Variants in ANO9 observed in about 807,000 individuals in gnomAD.
ANO9 encodes the protein anoctamin-9.
Under a neutral mutation model 100.5 loss-of-function variants are expected in ANO9, and 80 were observed. The ratio of observed to expected loss-of-function variants is 0.80; its 90% CI spans 0.66 to 0.96. ANO9 has a LOEUF of 0.96. Among genes scored for constraint, ANO9 ranks in the 40% least tolerant of loss-of-function variants. The pLI is 0.00. For synonymous variants in ANO9, 473 were observed against 435.6 expected (o/e 1.09, Z -1.07); for missense variants, 1,064 against 1,072.7 (o/e 0.99, Z 0.11).
intron 11 of ANO9, 137 bp downstream of exon 11, chr11:429,433 C>T: frequency 3.4e-6 from 5 of 1,489,456 alleles, no homozygotes; most frequent in South Asian, 1.3e-5. Context: ...CAGACCAGGA[C>T]ACACGCCCCA....
intron 1 of ANO9, among the ~76,000 whole-genome samples, chr11:441,176 C>T (rs1404548900): frequency 2.0e-5 from 3 of 152,152 alleles, no homozygotes; most frequent in Admixed American, 6.5e-5. Context: ...CCTGGCAGGC[C>T]GAGAGGGAGG....
Position 421,318 on chromosome 11 carries a change from G to A in ANO9, c.1335-120C>T. The A allele has an allele frequency of 1.8e-6, 2 of 1,081,484 alleles. No individual in the cohort carries two copies. The highest frequency in any genetic ancestry group is 2.6e-6 in the Non-Finnish European group (2 of 782,688). 67.0% of individuals were successfully genotyped at this position (1,081,484 alleles called of 1,614,324 possible). Reference sequence around the variant, plus strand: ...AACAGGCGGGGCAGGCCCTGCAGGTGAGCGGGGCACAGGTGCTCACACCCA... The same window carrying A: ...AACAGGCGGGGCAGGCCCTGCAGGTAAGCGGGGCACAGGTGCTCACACCCA... On this transcript the variant is annotated intron_variant, in intron 15 of 22. Coordinates refer to ENST00000332826, the MANE Select transcript of ANO9 (RefSeq NM_001012302.3). The surrounding 1 kb of genome is among the most constrained non-coding windows in gnomAD (Gnocchi z 6.8).
At chr11:423,005 T>C (rs1848284458) in intron 15 of ANO9, among the ~76,000 whole-genome samples, 2 of 152,076 alleles carry the variant, frequency 1.3e-5, no homozygotes, top group South Asian at 4.2e-4. Context: ...AATTTTTGTA[T>C]ATTTAGTAAA....
chr11:433,463 G>C lies in ANO9; in HGVS notation c.205-4C>G. On this transcript the variant is annotated splice_region_variant and splice_polypyrimidine_tract_variant and intron_variant, in intron 3 of 22. Transcript: ENST00000332826. ...CCTGTTTCTGGTCCCGGATCACCTG[G>C]GGGCACATGGGATCCTCTATCCCAC... 6.2e-7 allele frequency: 1 copy of C among 1,612,684 alleles called. No individual in the cohort carries two copies.
At chr11:436,710 G>A (rs1378343213) in intron 1 of ANO9, among the ~76,000 whole-genome samples, 2 of 80,668 alleles carry the variant, frequency 2.5e-5, no homozygotes, top group Non-Finnish European at 5.3e-5. Context: ...GGTAAGCAGG[G>A]GGTGAGCAGG....
intron 18 of ANO9, 26 bp from the exon 19 acceptor site, chr11:420,641 G>C (rs751311960): frequency 2.5e-6 from 4 of 1,603,022 alleles, no homozygotes; most frequent in Non-Finnish European, 3.4e-6. Flanking sequence ...CAGGCTCACC[G>C]GCGCCCCGCA....
At chr11:433,239 C>G in intron 4 of ANO9, 75 bp downstream of exon 4, 1 of 1,541,048 alleles carries the variant, frequency 6.5e-7, no homozygotes, top group Non-Finnish European at 8.7e-7. Context: ...CTGGCACTGT[C>G]TCCTGCCCGG....
At chr11:425,710 G>GTT (rs1299503867) in intron 15 of ANO9, among the ~76,000 whole-genome samples, 5 of 150,118 alleles carry the variant, frequency 3.3e-5, no homozygotes, top group South Asian at 2.1e-4. Flanking sequence ...ATAGTTTTTT[G>GTT]TTTTTTGTTT....
chr11:434,958 A>G (rs1849334523), intron 1 of ANO9, among the ~76,000 whole-genome samples: 2 of 152,152 alleles, frequency 1.3e-5, no homozygotes, highest in African/African-American at 2.4e-5. Context: ...CGCCAAGCTC[A>G]AGACCTGCCT....
rs1213305934 is a variant in ANO9, at chr11:418,917, A to G, written c.2007T>C (p.Ile669=). 3 of 1,613,678 alleles carry G rather than the reference A, an allele frequency of 1.9e-6. No homozygotes were observed. The highest frequency in any genetic ancestry group is 1.7e-6 in the Non-Finnish European group (2 of 1,179,988). Reference sequence around the variant, plus strand: ...ACAGAGTCACGTTTTCTGAGCCCTCAATCCCATCAGGGTCCTGGAAGTCCT... The same window carrying G: ...ACAGAGTCACGTTTTCTGAGCCCTCGATCCCATCAGGGTCCTGGAAGTCCT... The part of the protein sequence containing the change: ...HTKDFQDPDG[I]EGSENVTLCR... The change falls in exon 21 of 23, where the codon ATT becomes ATC. Residue 669 remains isoleucine, a synonymous_variant. Coordinates refer to ENST00000332826, the MANE Select transcript of ANO9 (RefSeq NM_001012302.3).
At chr11:438,754 G>T (rs938834379) in intron 1 of ANO9, among the ~76,000 whole-genome samples, 1 of 152,098 alleles carries the variant, frequency 6.6e-6, no homozygotes, top group Non-Finnish European at 1.5e-5. Context: ...CTTCACAGGT[G>T]AGGGCTGGAC....
rs373573370 is a variant in ANO9 at position 419,647 on chromosome 11, G to A, written c.1869C>T (p.Phe623=). ...GGTACTTGTAGACCACTCGGGGGAT[G>A]AACTCAGATGTGAAGGCAATGACCA... The part of the protein sequence containing the change: ...NGMVIAFTSE[F]IPRVVYKYRY... Residue 623 remains phenylalanine (F), a synonymous_variant, in exon 20 of 23, where the codon TTC becomes TTT. Transcript: ENST00000332826. 12 of 1,613,470 alleles carry A rather than the reference G, an allele frequency of 7.4e-6. No individual in the cohort carries two copies. In the East Asian group the frequency reaches 2.5e-4, roughly 33 times the overall value.
At chr11:433,281 C>G (rs758240619) in intron 4 of ANO9, 33 bp downstream of exon 4, 13 of 1,603,720 alleles carry the variant, frequency 8.1e-6, no homozygotes, top group Admixed American at 3.5e-5. Flanking sequence ...GCAAGGGGTT[C>G]TCCTGGCCAC....
intron 19 of ANO9, 78 bp from the exon 20 acceptor site, chr11:419,807 C>CA (rs773441387): frequency 1.9e-6 from 3 of 1,564,920 alleles, no homozygotes; most frequent in Middle Eastern, 4.5e-4. Context: ...CCCCGGCCAA[C>CA]ACGGGGCCTG....
chr11:438,066 C>A (rs1377243044), intron 1 of ANO9, among the ~76,000 whole-genome samples: 1 of 152,116 alleles, frequency 6.6e-6, no homozygotes, highest in Non-Finnish European at 1.5e-5. Flanking sequence ...ATCGTTCACC[C>A]CAGAAATGAG....
chr11:436,479 T>G (rs1339531077), intron 1 of ANO9, among the ~76,000 whole-genome samples: 2 of 151,568 alleles, frequency 1.3e-5, no homozygotes, highest in African/African-American at 2.4e-5. Context: ...ATCTCCCTAT[T>G]CTCTCTACCG....
chr11:418,619 G>A (rs377149405), intron 22 of ANO9, 30 bp from the exon 23 acceptor site: 18 of 1,611,502 alleles, frequency 1.1e-5, no homozygotes, highest in African/African-American at 5.3e-5. Flanking sequence ...GGCCCAGCAC[G>A]GTCAGGTGCC....
At chr11:433,711 A>C (rs973888668) in intron 3 of ANO9, 104 bp downstream of exon 3, 1 of 1,461,606 alleles carries the variant, frequency 6.8e-7, no homozygotes, top group Admixed American at 2.5e-5. Flanking sequence ...CCGGCCCCAC[A>C]GCCCTGCCCC....
chr11:438,717 C>T (rs1845588399), intron 1 of ANO9, among the ~76,000 whole-genome samples: 1 of 152,108 alleles, frequency 6.6e-6, no homozygotes, highest in African/African-American at 2.4e-5. Context: ...CCACGGGAGC[C>T]TGGCTTCTCC....
Sources: allele counts gnomAD v4.1 joint callset (sites outside exome capture counted in the v4.1 genomes callset), GRCh38; gene constraint gnomAD v4.1.1; non-coding constraint Gnocchi (gnomAD v3.1); transcripts MANE v1.5; gene names NCBI Gene and HGNC (gene_info 2026-07-23, HGNC 2026-07-21).